The following IQGAP2 variants were observed in gnomAD, a reference collection of about 807,000 sequenced individuals.
The protein encoded by IQGAP2 is ras GTPase-activating-like protein IQGAP2.
Under a neutral mutation model 201.3 loss-of-function variants are expected in IQGAP2, and 173 were observed. The observed-to-expected ratio is 0.86, with a 90% CI of 0.76 to 0.98. IQGAP2 has a LOEUF of 0.98. Among genes scored for constraint, IQGAP2 ranks in the 50% least tolerant of loss-of-function variants. The pLI, the probability that IQGAP2 is intolerant of heterozygous loss-of-function variation, is 0.00. For synonymous variants in IQGAP2, 675 were observed against 673.9 expected, an observed-to-expected ratio of 1.00 and a Z score of -0.03; for missense variants, 1,687 against 1,864.8, an observed-to-expected ratio of 0.90 and a Z score of 1.76.
chr5:76,515,541 A>G (rs948606195), intron 2 of IQGAP2, among the ~76,000 whole-genome samples: 17 of 152,210 alleles, frequency 1.1e-4, no homozygotes, highest in Non-Finnish European at 2.1e-4. Context: ...CTTGAAGAAA[A>G]GTAGTTGACT....
intron 1 of IQGAP2, among the ~76,000 whole-genome samples, chr5:76,406,445 A>G (rs2150066611): frequency 6.6e-6 from 1 of 152,368 alleles, no homozygotes; most frequent in Non-Finnish European, 1.5e-5. Flanking sequence ...TGAAGGGAAG[A>G]GGTGGAAGAA....
At chr5:76,698,243 A>C (rs1327970759) in intron 33 of IQGAP2, 96 bp downstream of exon 33, 2 of 882,660 alleles carry the variant, frequency 2.3e-6, no homozygotes, top group African/African-American at 1.7e-5. Flanking sequence ...TATGGAAGAA[A>C]ACTTTTTGCT....
At chr5:76,605,488 C>CA (rs1747741747) in intron 11 of IQGAP2, among the ~76,000 whole-genome samples, 2 of 152,168 alleles carry the variant, frequency 1.3e-5, no homozygotes, top group Admixed American at 1.3e-4. Flanking sequence ...GCCACCACGC[C>CA]AGGCCTAAGA....
At chr5:76,492,312 G>A (rs535187836) in intron 2 of IQGAP2, among the ~76,000 whole-genome samples, 19 of 152,276 alleles carry the variant, frequency 1.2e-4, no homozygotes, top group East Asian at 3.9e-4. Flanking sequence ...GTGAGGTGCC[G>A]GACGGCTCAG....
chr5:76,617,517 C>G (rs1406474940), intron 13 of IQGAP2: 9 of 1,275,660 alleles, frequency 7.1e-6, no homozygotes, highest in Non-Finnish European at 9.9e-6. Flanking sequence ...TTGCACTATG[C>G]TTATGTTGTT....
At chr5:76,646,238 A>C (rs980990557) in intron 17 of IQGAP2, among the ~76,000 whole-genome samples, 30 of 152,326 alleles carry the variant, frequency 2.0e-4, no homozygotes, top group African/African-American at 7.2e-4. Flanking sequence ...CTGTTGGGCC[A>C]CTTTTATGAA....
At position 76,658,483 on chromosome 5, in the gene IQGAP2, C is replaced by G; in HGVS notation, c.2345C>G (p.Thr782Arg). The G allele has an allele frequency of 6.2e-7, 1 of 1,613,848 alleles. No individual in the cohort carries two copies. The highest frequency in any genetic ancestry group is 8.5e-7 in the Non-Finnish European group (1 of 1,179,888). Reference protein sequence around the residue: ...TLVGSENPPLTVIRKFVYLLD... With the variant: ...TLVGSENPPLRVIRKFVYLLD... The stretch of plus-strand genomic sequence containing the variant: ...GTTGGCTCTGAAAACCCACCATTAA[C>G]AGTAATTCGCAAATTTGTATACCTG... The change falls in exon 21 of 36, where the codon ACA becomes AGA. Residue 782 changes from threonine (T) to arginine (R), a missense_variant. Coordinates refer to ENST00000274364, the MANE Select transcript of IQGAP2 (RefSeq NM_006633.5).
intron 1 of IQGAP2, among the ~76,000 whole-genome samples, chr5:76,426,101 G>A (rs1020268067): frequency 7.2e-5 from 11 of 152,066 alleles, no homozygotes; most frequent in African/African-American, 1.7e-4. Context: ...GCAGAATTGC[G>A]GTCAGCTGGC....
intron 1 of IQGAP2, among the ~76,000 whole-genome samples, chr5:76,418,307 C>A (rs1751530233): frequency 1.3e-5 from 2 of 151,426 alleles, no homozygotes; most frequent in African/African-American, 4.9e-5. Flanking sequence ...TTTTTTGAAT[C>A]CTAATATATG....
At chr5:76,508,948 G>A (rs1346152785) in intron 2 of IQGAP2, among the ~76,000 whole-genome samples, 1 of 151,958 alleles carries the variant, frequency 6.6e-6, no homozygotes, top group Non-Finnish European at 1.5e-5. Context: ...ATCCTCTCGG[G>A]GAAATAGGTG....
At chr5:76,448,983 C>G (rs1753573598) in intron 1 of IQGAP2, among the ~76,000 whole-genome samples, 1 of 152,136 alleles carries the variant, frequency 6.6e-6, no homozygotes, top group South Asian at 2.1e-4. Flanking sequence ...GTCACCTGAT[C>G]TTCTCACTTT....
rs1750614762 is a variant in IQGAP2 at position 76,403,385 on chromosome 5, G to GA, written c.-160dup. ...CGCGGCGGCCGTGGCTGGCTCTGGC[G>GA]AGAGAGCACCGAGGGAGTGGGTCGC... On this transcript the variant is annotated 5_prime_UTR_variant, in exon 1 of 36. Transcript: ENST00000274364. This position sits in a 1 kb window ranked among gnomAD's most constrained non-coding sequence, Gnocchi z 4.8. 2.1e-6 allele frequency: 1 copy of GA among 466,426 alleles called. No homozygotes were observed. Among genetic ancestry groups the GA allele is most frequent in the Admixed American group, 4.5e-5 (1 of 22,100 alleles). 28.9% of individuals were successfully genotyped at this position (466,426 alleles called of 1,614,324 possible). A position where few individuals can be genotyped will look rare whatever the true frequency, so the allele number is the denominator to read the frequency against.
intron 3 of IQGAP2, among the ~76,000 whole-genome samples, chr5:76,563,205 G>C (rs1744503731): frequency 6.6e-6 from 1 of 152,102 alleles, no homozygotes; most frequent in Admixed American, 6.6e-5. Flanking sequence ...CCTCCAGCCT[G>C]GGTGACAGAG....
intron 2 of IQGAP2, among the ~76,000 whole-genome samples, chr5:76,505,330 CT>C (rs1757554146): frequency 6.6e-6 from 1 of 152,202 alleles, no homozygotes; most frequent in South Asian, 2.1e-4. Context: ...AACTGCAAAT[CT>C]CAACTGGGGA....
chr5:76,677,502 C>A (rs1402812944), intron 28 of IQGAP2, 152 bp downstream of exon 28: 6 of 536,156 alleles, frequency 1.1e-5, no homozygotes, highest in Non-Finnish European at 1.8e-5. Context: ...TATTCCATGA[C>A]TCTTATACAT....
chr5:76,699,398 AGC>A (rs1312772713), intron 33 of IQGAP2: 13 of 152,232 alleles, frequency 8.5e-5, no homozygotes, highest in African/African-American at 3.1e-4. Context: ...TTCATAACTT[AGC>A]TAACGTGTGA....
intron 21 of IQGAP2, among the ~76,000 whole-genome samples, chr5:76,661,784 A>G (rs1743271090): frequency 6.6e-6 from 1 of 152,156 alleles, no homozygotes; most frequent in Admixed American, 6.5e-5. Flanking sequence ...CTCTGCAGAT[A>G]CCCATATCTT....
chr5:76,474,647 G>T lies in IQGAP2; in HGVS notation c.146+12978G>T, dbSNP rs183263975. ...GCCCCTGGTATTTCTCAAGGCAAGA[G>T]TTGAGGCAGCTATGTCATCTGGGAG... On this transcript the variant is annotated intron_variant, in intron 2 of 35. Coordinates refer to ENST00000274364, the MANE Select transcript of IQGAP2 (RefSeq NM_006633.5). 1.0e-3 allele frequency among the ~76,000 whole-genome samples: 155 copies of T among 152,296 alleles called. 1 individual carries two copies. The highest frequency in any genetic ancestry group is 2.9e-3 in the African/African-American group (119 of 41,568).
chr5:76,411,371 T>A (rs1751106732), intron 1 of IQGAP2, among the ~76,000 whole-genome samples: 1 of 152,232 alleles, frequency 6.6e-6, no homozygotes, highest in African/African-American at 2.4e-5. Flanking sequence ...TAGAATTAAT[T>A]CTGCTATGAC....
Sources: allele counts gnomAD v4.1 joint callset (sites outside exome capture counted in the v4.1 genomes callset), GRCh38; gene constraint gnomAD v4.1.1; non-coding constraint Gnocchi (gnomAD v3.1); transcripts MANE v1.5; gene names NCBI Gene and HGNC (gene_info 2026-07-23, HGNC 2026-07-21).